OPCML: variants seen among roughly 807,000 people sequenced by gnomAD.
OPCML encodes the protein opioid-binding protein/cell adhesion molecule.
OPCML carries 13 observed loss-of-function variants against 37.8 expected under a neutral mutation model. That is an observed-to-expected ratio of 0.34 (90% CI 0.22 to 0.55). OPCML has a LOEUF of 0.55. OPCML is among the 20% of genes least tolerant of loss of function. OPCML has a pLI of 0.91. For missense variants in OPCML, 341 were observed against 435.6 expected, an observed-to-expected ratio of 0.78 and a Z score of 1.93; for synonymous variants, 176 against 168.8, an observed-to-expected ratio of 1.04 and a Z score of -0.33.
Position 133,206,140 on chromosome 11 carries a change from G to A in OPCML, c.62-263130C>T, listed in dbSNP as rs931596643. ...GATGATATTGGCTATATTTTATAAG[G>A]CTGTTTCAAGGTTTCAAAAAGACAA... On this transcript the variant is annotated intron_variant, in intron 1 of 7. Coordinates refer to ENST00000524381, the MANE Select transcript of OPCML (RefSeq NM_001012393.5). This position sits in a 1 kb window ranked among gnomAD's most constrained non-coding sequence, Gnocchi z 4.7. Among the ~76,000 whole-genome samples, 2 of 152,116 alleles carry A rather than the reference G, an allele frequency of 1.3e-5. No homozygotes were observed. Among genetic ancestry groups the A allele is most frequent in the Non-Finnish European group, 2.9e-5 (2 of 68,020 alleles).
chr11:133,068,188 C>T (rs1443678167), intron 1 of OPCML: 1 of 152,130 alleles, frequency 6.6e-6, no homozygotes, highest in East Asian at 1.9e-4. Context: ...AGCTTATTTC[C>T]TTAAGCCAAA....
chr11:132,608,283 T>C (rs1455654165), intron 3 of OPCML, among the ~76,000 whole-genome samples: 1 of 152,204 alleles, frequency 6.6e-6, no homozygotes, highest in Non-Finnish European at 1.5e-5. Flanking sequence ...TGTATACTTC[T>C]AGTCAGCAGC....
chr11:133,348,627 G>A (rs2136686571), intron 1 of OPCML, among the ~76,000 whole-genome samples: 1 of 152,288 alleles, frequency 6.6e-6, no homozygotes. Context: ...AGACTTCGTG[G>A]CTTGCTGCAG....
chr11:133,370,606 G>A (rs558366340), intron 1 of OPCML, among the ~76,000 whole-genome samples: 140 of 151,140 alleles, frequency 9.3e-4, no homozygotes, highest in Non-Finnish European at 1.6e-3. Context: ...TAAATGGAAA[G>A]ACATTTCATC....
chr11:133,276,993 C>G (rs1018693427), intron 1 of OPCML, among the ~76,000 whole-genome samples: 2 of 152,162 alleles, frequency 1.3e-5, no homozygotes, highest in African/African-American at 4.8e-5. Flanking sequence ...GATGTCCTGT[C>G]GGTATTTCAA....
intron 2 of OPCML, among the ~76,000 whole-genome samples, chr11:132,836,859 C>G (rs899676071): frequency 2.6e-5 from 4 of 152,094 alleles, no homozygotes; most frequent in Non-Finnish European, 5.9e-5. Flanking sequence ...GGTGAAAGCG[C>G]TGGCATCAGA....
chr11:133,083,194 G>A (rs1025083911), intron 1 of OPCML, among the ~76,000 whole-genome samples: 1 of 152,146 alleles, frequency 6.6e-6, no homozygotes, highest in Non-Finnish European at 1.5e-5. Flanking sequence ...CAGTCACTGG[G>A]GCGCCGCTCG....
intron 1 of OPCML, among the ~76,000 whole-genome samples, chr11:133,500,557 C>T (rs539268082): frequency 1.1e-4 from 17 of 152,318 alleles, no homozygotes; most frequent in African/African-American, 3.8e-4. Context: ...AGGGAAGCCT[C>T]GCTCCCTTCC....
chr11:133,517,894 T>G (rs948182347), intron 1 of OPCML, among the ~76,000 whole-genome samples: 2 of 152,162 alleles, frequency 1.3e-5, no homozygotes, highest in Non-Finnish European at 2.9e-5. Context: ...CTGTGCACCT[T>G]GCTGAGCACC....
chr11:133,047,199 G>T (rs1329182454), intron 1 of OPCML, among the ~76,000 whole-genome samples: 1 of 152,202 alleles, frequency 6.6e-6, no homozygotes, highest in East Asian at 1.9e-4. Context: ...CACAGATGGG[G>T]CTGCCTCAGC....
At chr11:132,794,134 T>C (rs1938139476) in intron 2 of OPCML, among the ~76,000 whole-genome samples, 1 of 152,192 alleles carries the variant, frequency 6.6e-6, no homozygotes, top group Non-Finnish European at 1.5e-5. Flanking sequence ...GTTAGCCCCC[T>C]CCCAATTCCC....
intron 1 of OPCML, among the ~76,000 whole-genome samples, chr11:133,491,902 A>G (rs1203762811): frequency 6.6e-6 from 1 of 152,182 alleles, no homozygotes; most frequent in Non-Finnish European, 1.5e-5. Context: ...GAACTCTTGT[A>G]TTCTCACTCA....
intron 2 of OPCML, among the ~76,000 whole-genome samples, chr11:132,811,516 G>A (rs567067381): frequency 6.6e-6 from 1 of 152,236 alleles, no homozygotes; most frequent in African/African-American, 2.4e-5. Context: ...GGCTGTTTTG[G>A]TTTAAAGATC....
intron 1 of OPCML, among the ~76,000 whole-genome samples, chr11:133,082,941 G>A (rs1270447590): frequency 6.6e-6 from 1 of 150,618 alleles, no homozygotes; most frequent in Non-Finnish European, 1.5e-5. Context: ...GGCGGACGTC[G>A]CGCCAGTGCC....
intron 3 of OPCML, among the ~76,000 whole-genome samples, chr11:132,649,239 G>C (rs1163277098): frequency 6.6e-6 from 1 of 152,130 alleles, no homozygotes; most frequent in Non-Finnish European, 1.5e-5. Flanking sequence ...ACAACAGTGG[G>C]AGAAAAGGCC....
intron 2 of OPCML, among the ~76,000 whole-genome samples, chr11:132,869,043 G>T (rs1156623958): frequency 6.6e-6 from 1 of 152,188 alleles, no homozygotes; most frequent in African/African-American, 2.4e-5. Flanking sequence ...TTCTCCGAAT[G>T]TGGGGTATGG....
intron 2 of OPCML, among the ~76,000 whole-genome samples, chr11:132,829,418 T>C (rs1000432156): frequency 6.6e-6 from 1 of 152,194 alleles, no homozygotes; most frequent in African/African-American, 2.4e-5. Context: ...TGAATATTAC[T>C]GAATGAGTCA....
At chr11:132,799,173 A>G (rs1328508754) in intron 2 of OPCML, among the ~76,000 whole-genome samples, 4 of 152,196 alleles carry the variant, frequency 2.6e-5, no homozygotes, top group African/African-American at 9.6e-5. Flanking sequence ...TGAAAGTCCT[A>G]CATGGCATCT....
At chr11:133,461,941 A>G (rs563006415) in intron 1 of OPCML, among the ~76,000 whole-genome samples, 1 of 152,104 alleles carries the variant, frequency 6.6e-6, no homozygotes, top group African/African-American at 2.4e-5. Flanking sequence ...GTTTAAACCA[A>G]CGGAGTAGAA....
Sources: gnomAD v4.1 joint callset for allele counts (sites outside exome capture counted in the v4.1 genomes callset) on GRCh38, gnomAD v4.1.1 for gene constraint, Gnocchi (gnomAD v3.1) non-coding constraint, MANE v1.5 for transcripts, NCBI Gene and HGNC (gene_info 2026-07-23, HGNC 2026-07-21) for gene names.